Variants in FAM161B observed in about 807,000 individuals in gnomAD.
FAM161B encodes the protein FAM161 centrosomal protein B.
A neutral mutation model predicts 61.5 loss-of-function variants in FAM161B; 46 were observed. That is an observed-to-expected ratio of 0.75 (90% CI 0.59 to 0.96). The LOEUF (loss-of-function observed/expected upper bound fraction) is 0.96. Among genes scored for constraint, FAM161B ranks in the 40% least tolerant of loss-of-function variants. FAM161B has a pLI of 0.00. For missense variants in FAM161B, 774 were observed against 800.7 expected (o/e 0.97, Z 0.40); for synonymous variants, 284 against 302.7 (o/e 0.94, Z 0.64).
intron 1 of FAM161B, among the ~76,000 whole-genome samples, chr14:73,947,697 T>C (rs140148518): frequency 5.2e-4 from 79 of 152,316 alleles, no homozygotes; most frequent in African/African-American, 1.9e-3. Flanking sequence ...AGCTTTTTGG[T>C]TGATAAAGTC....
the FAM161B span, chr14:73,924,846 T>A: frequency 6.0e-6 from 2 of 331,490 alleles, no homozygotes; most frequent in Non-Finnish European, 1.2e-5. Flanking sequence ...CCAGCTAATT[T>A]TTTTGTATTT....
the FAM161B span, among the ~76,000 whole-genome samples, chr14:73,924,254 A>G: frequency 6.6e-6 from 1 of 152,116 alleles, no homozygotes; most frequent in Admixed American, 6.5e-5. Flanking sequence ...ACAGTTCACA[A>G]TAGGGTTTGC....
chr14:73,935,957 A>T lies in FAM161B; in HGVS notation c.1797T>A (p.Asp599Glu). 1 of 1,607,768 alleles carries T rather than the reference A, an allele frequency of 6.2e-7. No homozygotes were observed. Among genetic ancestry groups the T allele is most frequent in the Non-Finnish European group, 8.5e-7 (1 of 1,176,108 alleles). ...AVQEKETKIK[D>E]FPRFQETTKL... Reference sequence around the variant, plus strand: ...GCAACATTTCAGGTTACCTGGGAAAATCCTTGATTTTGGTCTCTTTCTCTT... The same window carrying T: ...GCAACATTTCAGGTTACCTGGGAAATTCCTTGATTTTGGTCTCTTTCTCTT... The change falls in exon 8 of 9, where the codon GAT becomes GAA. Residue 599 changes from aspartate (D) to glutamate (E), a missense_variant. Transcript: ENST00000286544.
downstream of FAM161B, among the ~76,000 whole-genome samples, chr14:73,928,863 A>G (rs1441696602): frequency 1.3e-5 from 2 of 152,102 alleles, no homozygotes; most frequent in Non-Finnish European, 2.9e-5. Context: ...CAGGAGGATC[A>G]ACTTGAGCCC....
intron 5 of FAM161B, among the ~76,000 whole-genome samples, chr14:73,939,621 G>T (rs1337484154): frequency 6.6e-6 from 1 of 152,240 alleles, no homozygotes; most frequent in Non-Finnish European, 1.5e-5. Flanking sequence ...CAGTGGGCTG[G>T]AAGGTGTCTG....
At chr14:73,937,528 T>C (rs2140342895) in intron 7 of FAM161B, 74 bp downstream of exon 7, 3 of 1,434,996 alleles carry the variant, frequency 2.1e-6, no homozygotes, top group Non-Finnish European at 2.9e-6. Context: ...TACCCACATA[T>C]TAAAATTGTT....
At position 73,944,715 on chromosome 14, in the gene FAM161B, G is replaced by A. The variant is rs567343899; in HGVS notation, c.545C>T (p.Ala182Val). The change falls in exon 3 of 9, where the codon GCC becomes GTC. Residue 182 changes from alanine (A) to valine (V), a missense_variant. Coordinates refer to ENST00000286544, the MANE Select transcript of FAM161B (RefSeq NM_152445.3). Reference sequence around the variant, plus strand: ...GCCCAGCCACTCGGCCTTCTTCCGGGCCTCGCGCAGCGTCATGCGGAATGG... The same window carrying A: ...GCCCAGCCACTCGGCCTTCTTCCGGACCTCGCGCAGCGTCATGCGGAATGG... ...PRPFRMTLRE[A>V]RKKAEWLGSP... 17 of 1,604,132 alleles carry A rather than the reference G, an allele frequency of 1.1e-5. No homozygotes were observed. Among genetic ancestry groups the A allele is most frequent in the East Asian group, 2.2e-5 (1 of 44,622 alleles).
intron 3 of FAM161B, 152 bp from the exon 4 acceptor site, chr14:73,942,867 T>A: frequency 1.6e-6 from 1 of 636,048 alleles, no homozygotes; most frequent in Non-Finnish European, 2.7e-6. Context: ...TCCTGTGAGA[T>A]GCCTGCAGAT....
intron 5 of FAM161B, among the ~76,000 whole-genome samples, chr14:73,938,460 A>T (rs1008235120): frequency 1.3e-5 from 2 of 151,398 alleles, no homozygotes; most frequent in African/African-American, 4.9e-5. Flanking sequence ...TCCGTCTCAA[A>T]AATAATAATA....
rs201410965 is a variant in FAM161B, at chr14:73,942,625, C to G, written c.1016G>C (p.Arg339Pro). 6.2e-7 allele frequency: 1 copy of G among 1,614,108 alleles called. No homozygotes were observed. The highest frequency in any genetic ancestry group is 8.5e-7 in the Non-Finnish European group (1 of 1,180,018). ...GGCTGTGCGGGGCTGTGGGTTAGCC[C>G]GGTTACTAGAGGAGGCGATAGGGGA... ...ASSPIASSSN[R>P]ANPQPRTATR... The change falls in exon 4 of 9, where the codon CGG becomes CCG. Residue 339 changes from arginine (R) to proline (P), a missense_variant. Transcript: ENST00000286544.
chr14:73,926,626 G>T (rs1235116717), downstream of FAM161B, among the ~76,000 whole-genome samples: 1 of 152,070 alleles, frequency 6.6e-6, no homozygotes, highest in Non-Finnish European at 1.5e-5. Context: ...GTAGAGACGG[G>T]CTTTTACCAT....
rs200249681 is a variant in FAM161B, at chr14:73,937,625, A to T, written c.1642T>A (p.Tyr548Asn). 84 of 1,613,930 alleles carry T rather than the reference A, an allele frequency of 5.2e-5. No homozygotes were observed. Among genetic ancestry groups the T allele is most frequent in the Non-Finnish European group, 6.6e-5 (78 of 1,179,970 alleles). ...ACCTTGGCAACTTGTTCAAAGAGATAGGGCCTTGTTTGTATTCGCTGCTTC... is the reference window on the plus strand; with the variant it reads ...ACCTTGGCAACTTGTTCAAAGAGATTGGGCCTTGTTTGTATTCGCTGCTTC... ...EMKQRIQTRPYLFEQVAKDLA... is the reference protein window; with the variant it reads ...EMKQRIQTRPNLFEQVAKDLA... The change falls in exon 7 of 9, where the codon TAT becomes AAT. Residue 548 changes from tyrosine (Y) to asparagine (N), a missense_variant. By Grantham distance (143) the Tyr-to-Asn change is moderately radical. Coordinates refer to ENST00000286544, the MANE Select transcript of FAM161B (RefSeq NM_152445.3).
At chr14:73,942,910 TAACA>T (rs1167503868) in intron 3 of FAM161B, among the ~76,000 whole-genome samples, 195 bp from the exon 4 acceptor site, 1 of 151,664 alleles carries the variant, frequency 6.6e-6, no homozygotes, top group East Asian at 1.9e-4. Flanking sequence ...CCACAGAAAA[TAACA>T]AACATTACAA....
rs752253664 is a variant in FAM161B at position 73,946,322 on chromosome 14, C to T, written c.338G>A (p.Arg113Lys). Reference sequence around the variant, plus strand: ...CGGGCACTGGACCTGCACCATCCCCCTGTCCTTGTCTTGGAAGAAACTCTC... The same window carrying T: ...CGGGCACTGGACCTGCACCATCCCCTTGTCCTTGTCTTGGAAGAAACTCTC... ...DLESFFQDKD[R>K]GMVQVQCPQA... is the part of the protein sequence containing the mutation. The change falls in exon 2 of 9, where the codon AGG becomes AAG. Residue 113 changes from arginine (R) to lysine (K), a missense_variant. Coordinates refer to ENST00000286544, the MANE Select transcript of FAM161B (RefSeq NM_152445.3). The T allele has an allele frequency of 1.1e-5, 17 of 1,614,192 alleles. No homozygotes were observed. In the South Asian group the frequency reaches 1.5e-4, roughly 15 times the overall value.
At chr14:73,924,667 T>A in the FAM161B span, 1 of 446,792 alleles carries the variant, frequency 2.2e-6, no homozygotes, top group Non-Finnish European at 4.5e-6. Flanking sequence ...TTCCGTCTTT[T>A]CTCCTCTTTT....
chr14:73,934,778 G>C (rs1205140266), intron 8 of FAM161B, among the ~76,000 whole-genome samples: 1 of 152,116 alleles, frequency 6.6e-6, no homozygotes, highest in Non-Finnish European at 1.5e-5. Flanking sequence ...CACTGTGTAA[G>C]GTTTAAGAAC....
At chr14:73,930,433 G>A (rs1448179867), downstream of FAM161B, among the ~76,000 whole-genome samples, 2 of 152,048 alleles carry the variant, frequency 1.3e-5, no homozygotes, top group Non-Finnish European at 2.9e-5. Context: ...AAAGTGGTGG[G>A]GTTATAGGCA....
At chr14:73,930,069 T>G (rs1168014898), downstream of FAM161B, among the ~76,000 whole-genome samples, 1 of 152,136 alleles carries the variant, frequency 6.6e-6, no homozygotes, top group Non-Finnish European at 1.5e-5. Context: ...TATAAGAGAT[T>G]CCCAGCTAGT....
At chr14:73,943,358 A>C (rs2056035478) in intron 3 of FAM161B, among the ~76,000 whole-genome samples, 1 of 152,174 alleles carries the variant, frequency 6.6e-6, no homozygotes. Context: ...TACAGCAATC[A>C]GAAGGATCCT....
Sources: gnomAD v4.1 joint callset for allele counts (sites outside exome capture counted in the v4.1 genomes callset) on GRCh38, gnomAD v4.1.1 for gene constraint, MANE v1.5 for transcripts, NCBI Gene and HGNC (gene_info 2026-07-23, HGNC 2026-07-21) for gene names.